PIEZO2: variants seen among roughly 807,000 people sequenced by gnomAD.
PIEZO2 encodes the protein piezo type mechanosensitive ion channel component 2, also known as piezo-type mechanosensitive ion channel component 2.
In PIEZO2, 172 loss-of-function variants were observed where a neutral mutation model predicts 337.3. The ratio of observed to expected loss-of-function variants is 0.51; its 90% CI spans 0.45 to 0.58. The LOEUF (loss-of-function observed/expected upper bound fraction) is 0.58. Among genes scored for constraint, PIEZO2 ranks in the 20% least tolerant of loss-of-function variants. The probability of loss-of-function intolerance (pLI) is 0.00; values close to 1 mark genes in which losing one functional copy is unlikely to be tolerated. For synonymous variants in PIEZO2, 1,251 were observed against 1,228.5 expected, an observed-to-expected ratio of 1.02 and a Z score of -0.38; for missense variants, 3,028 against 3,391.3, an observed-to-expected ratio of 0.89 and a Z score of 2.66.
rs897724927 is a variant in PIEZO2, at chr18:11,083,461, G to A, written c.65-17239C>T. Reference sequence around the variant, plus strand: ...GCAGAAATGCTCTCCTCCAGGGAATGATGCTGGCTGTGGCTTGGGGAAATG... The same window carrying A: ...GCAGAAATGCTCTCCTCCAGGGAATAATGCTGGCTGTGGCTTGGGGAAATG... On this transcript the variant is annotated intron_variant, in intron 1 of 55. Transcript: ENST00000674853. The surrounding 1 kb of genome is among the most constrained non-coding windows in gnomAD (Gnocchi z 4.4). Among the ~76,000 whole-genome samples the A allele has an allele frequency of 6.6e-6, 1 of 152,232 alleles. No homozygotes were observed. Among genetic ancestry groups the A allele is most frequent in the Non-Finnish European group, 1.5e-5 (1 of 68,034 alleles).
intron 31 of PIEZO2, 73 bp from the exon 32 acceptor site, chr18:10,742,688 A>C: frequency 6.7e-7 from 1 of 1,482,432 alleles, no homozygotes; most frequent in Non-Finnish European, 9.0e-7. Context: ...CTTTGGACTT[A>C]TGCTGTTACG....
chr18:11,021,802 T>C lies in PIEZO2; in HGVS notation c.161-42142A>G, dbSNP rs142218344. On this transcript the variant is annotated intron_variant, in intron 2 of 55. Transcript: ENST00000674853. This position sits in a 1 kb window ranked among gnomAD's most constrained non-coding sequence, Gnocchi z 4.7. ...CATCTAGACGCTGGGGGACTGCAGATGCAAACCAGGAAAATGCCCAGCTCT... is the reference window on the plus strand; with the variant it reads ...CATCTAGACGCTGGGGGACTGCAGACGCAAACCAGGAAAATGCCCAGCTCT... Among the ~76,000 whole-genome samples the C allele has an allele frequency of 3.3e-5, 5 of 152,342 alleles. No individual in the cohort carries two copies. Among genetic ancestry groups the C allele is most frequent in the Non-Finnish European group, 7.3e-5 (5 of 68,040 alleles).
In PIEZO2 at chr18:11,092,300, A is replaced by G. The variant is rs1171844958; in HGVS notation, c.65-26078T>C. On this transcript the variant is annotated intron_variant, in intron 1 of 55. Transcript: ENST00000674853. The surrounding 1 kb of genome is among the most constrained non-coding windows in gnomAD (Gnocchi z 4.5). Reference sequence around the variant, plus strand: ...TATGGAATACTGTTCATCCATTTGAAATTAGCTTGACAGAGTATTTGCCAA... The same window carrying G: ...TATGGAATACTGTTCATCCATTTGAGATTAGCTTGACAGAGTATTTGCCAA... Among the ~76,000 whole-genome samples, 1 of 152,236 alleles carries G rather than the reference A, an allele frequency of 6.6e-6. No individual in the cohort carries two copies. The highest frequency in any genetic ancestry group is 1.5e-5 in the Non-Finnish European group (1 of 68,042).
chr18:10,831,648 C>T (rs968205442), intron 7 of PIEZO2, among the ~76,000 whole-genome samples: 2 of 152,202 alleles, frequency 1.3e-5, no homozygotes, highest in East Asian at 1.9e-4. Context: ...AAGAGTAGAA[C>T]TGAAATGTTT....
chr18:10,979,708 A>G lies in PIEZO2; in HGVS notation c.161-48T>C. On this transcript the variant is annotated intron_variant, in intron 2 of 55. Transcript: ENST00000674853. The surrounding 1 kb of genome is among the most constrained non-coding windows in gnomAD (Gnocchi z 4.0). Reference sequence around the variant, plus strand: ...ATTGTGAGAGAGCTTAAGATGAAACACACTGGTGCTGTCTCTTGTACATAT... The same window carrying G: ...ATTGTGAGAGAGCTTAAGATGAAACGCACTGGTGCTGTCTCTTGTACATAT... The G allele has an allele frequency of 6.8e-7, 1 of 1,478,330 alleles. No individual in the cohort carries two copies. Among genetic ancestry groups the G allele is most frequent in the Non-Finnish European group, 9.0e-7 (1 of 1,108,576 alleles). The allele number at this position is 1,478,330 out of a possible 1,614,324, so 91.6% of individuals were successfully genotyped here.
In PIEZO2 at chr18:10,934,636, C is replaced by CGTGTGTGTGTGTGTGTGT. The variant is rs59190236; in HGVS notation, c.287-23426_287-23409dup. Among the ~76,000 whole-genome samples the CGTGTGTGTGTGTGTGTGT allele has an allele frequency of 9.4e-3, 1,224 of 130,804 alleles. 45 individuals carry two copies. The highest frequency in any genetic ancestry group is 0.019 in the Middle Eastern group (5 of 260). 85.8% of individuals were successfully genotyped at this position (130,804 alleles called of 152,430 possible). A position where few individuals can be genotyped will look rare whatever the true frequency, so the allele number is the denominator to read the frequency against. ...TTAGGAATTGTCAGTATTGTGTGTACGTGTGTGTGTGTGTGTGTGTGTGTG... is the reference window on the plus strand; with the variant it reads ...TTAGGAATTGTCAGTATTGTGTGTACGTGTGTGTGTGTGTGTGTGTGTGTGTGTGTGTGTGTGTGTGTG... On this transcript the variant is annotated intron_variant, in intron 3 of 55. Coordinates refer to ENST00000674853, the MANE Select transcript of PIEZO2 (RefSeq NM_001378183.1).
Position 10,943,933 on chromosome 18 carries a change from C to G in PIEZO2, c.287-32705G>C, listed in dbSNP as rs1289961408. 1.3e-5 allele frequency among the ~76,000 whole-genome samples: 2 copies of G among 152,152 alleles called. No homozygotes were observed. Among genetic ancestry groups the G allele is most frequent in the Non-Finnish European group, 2.9e-5 (2 of 68,034 alleles). On this transcript the variant is annotated intron_variant, in intron 3 of 55. Coordinates refer to ENST00000674853, the MANE Select transcript of PIEZO2 (RefSeq NM_001378183.1). This position sits in a 1 kb window ranked among gnomAD's most constrained non-coding sequence, Gnocchi z 4.5. ...AAATGGGAGTTTCTCTGAACAAGCTCTCTCTTTGCCTGCTGCCATCCACGT... is the reference window on the plus strand; with the variant it reads ...AAATGGGAGTTTCTCTGAACAAGCTGTCTCTTTGCCTGCTGCCATCCACGT...
Position 10,671,516 on chromosome 18 carries a change from G to A in PIEZO2, c.*11C>T, listed in dbSNP as rs1004910796. On this transcript the variant is annotated 3_prime_UTR_variant, in exon 56 of 56. Coordinates refer to ENST00000674853, the MANE Select transcript of PIEZO2 (RefSeq NM_001378183.1). ...AATGTTAACATTATTTGCAGTCTGT[G>A]TTCTAAGGTTTCAATTTGTTTTTTC... 2 of 1,605,626 alleles carry A rather than the reference G, an allele frequency of 1.2e-6. No individual in the cohort carries two copies. The highest frequency in any genetic ancestry group is 1.7e-6 in the Non-Finnish European group (2 of 1,175,684).
In PIEZO2 at chr18:10,759,414, C is replaced by T; in HGVS notation, c.3757+68G>A. 1 of 1,320,162 alleles carries T rather than the reference C, an allele frequency of 7.6e-7. No individual in the cohort carries two copies. Among genetic ancestry groups the T allele is most frequent in the Non-Finnish European group, 1.1e-6 (1 of 952,268 alleles). The allele number at this position is 1,320,162 out of a possible 1,614,324, so 81.8% of individuals were successfully genotyped here. ...GAAGACAAAAGGCACTAATGCATAG[C>T]ACGTGAACAATGATTAACAGTAAAC... On this transcript the variant is annotated intron_variant, in intron 26 of 55. Transcript: ENST00000674853. The surrounding 1 kb of genome is among the most constrained non-coding windows in gnomAD (Gnocchi z 5.5).
In PIEZO2 at chr18:11,027,602, T is replaced by C. The variant is rs1399685236; in HGVS notation, c.160+38525A>G. ...TCTGTTTGGTTTTAACTGTAGAAAA[T>C]TTAATTTAAATAACTGTCTTAGGTA... On this transcript the variant is annotated intron_variant, in intron 2 of 55. Coordinates refer to ENST00000674853, the MANE Select transcript of PIEZO2 (RefSeq NM_001378183.1). This position sits in a 1 kb window ranked among gnomAD's most constrained non-coding sequence, Gnocchi z 4.2. Among the ~76,000 whole-genome samples the C allele has an allele frequency of 6.6e-6, 1 of 152,150 alleles. No individual in the cohort carries two copies. Among genetic ancestry groups the C allele is most frequent in the East Asian group, 1.9e-4 (1 of 5,188 alleles).
chr18:10,958,479 G>A (rs1227516191), intron 3 of PIEZO2, among the ~76,000 whole-genome samples: 6 of 152,190 alleles, frequency 3.9e-5, no homozygotes, highest in Non-Finnish European at 8.8e-5. Flanking sequence ...GCACTGCATG[G>A]TGACCATAAG....
In PIEZO2 at chr18:10,978,222, G is replaced by A. The variant is rs574664869; in HGVS notation, c.286+1313C>T. Among the ~76,000 whole-genome samples, 9 of 152,238 alleles carry A rather than the reference G, an allele frequency of 5.9e-5. No individual in the cohort carries two copies. In the East Asian group the frequency reaches 1.7e-3, roughly 29 times the overall value. On this transcript the variant is annotated intron_variant, in intron 3 of 55. Coordinates refer to ENST00000674853, the MANE Select transcript of PIEZO2 (RefSeq NM_001378183.1). ...ATGGTGGCAGGCACCTGTAGTCCCA[G>A]CTACTCAGGAGGCTGAGGCAGGAGA...
chr18:10,857,489 A>G (rs2041739430), intron 5 of PIEZO2, among the ~76,000 whole-genome samples: 1 of 152,188 alleles, frequency 6.6e-6, no homozygotes, highest in South Asian at 2.1e-4. Flanking sequence ...TAAGCAAAGA[A>G]GAAACTCTCT....
intron 18 of PIEZO2, among the ~76,000 whole-genome samples, chr18:10,780,002 G>T (rs976972773): frequency 2.0e-5 from 3 of 152,178 alleles, no homozygotes; most frequent in African/African-American, 7.2e-5. Flanking sequence ...TGAGCTCTCA[G>T]TTATGTGTTC....
chr18:10,946,325 T>C (rs2033020828), intron 3 of PIEZO2, among the ~76,000 whole-genome samples: 1 of 152,124 alleles, frequency 6.6e-6, no homozygotes, highest in Non-Finnish European at 1.5e-5. Flanking sequence ...ATTTTAAAAA[T>C]ACTAGGAGAA....
At chr18:10,771,006 C>A (rs2038583843) in intron 20 of PIEZO2, among the ~76,000 whole-genome samples, 1 of 152,190 alleles carries the variant, frequency 6.6e-6, no homozygotes, top group African/African-American at 2.4e-5. Context: ...GCTGGGAGTA[C>A]AGGCATGAGC....
intron 49 of PIEZO2, among the ~76,000 whole-genome samples, chr18:10,686,362 A>T (rs898938996): frequency 6.6e-5 from 10 of 152,238 alleles, no homozygotes; most frequent in African/African-American, 1.7e-4. Context: ...GAATGAATAG[A>T]TGAGGATAGA....
At chr18:10,842,955 A>G (rs12968591) in intron 7 of PIEZO2, among the ~76,000 whole-genome samples, 1 of 152,312 alleles carries the variant, frequency 6.6e-6, no homozygotes, top group African/African-American at 2.4e-5. Flanking sequence ...TTCTCATTTT[A>G]AGAGCTAATC....
At chr18:10,960,213 T>A (rs997625881) in intron 3 of PIEZO2, among the ~76,000 whole-genome samples, 5 of 152,184 alleles carry the variant, frequency 3.3e-5, no homozygotes, top group African/African-American at 1.2e-4. Context: ...ATATTGGTTT[T>A]ATTCAACCAA....
Sources: allele counts gnomAD v4.1 joint callset (sites outside exome capture counted in the v4.1 genomes callset), GRCh38; gene constraint gnomAD v4.1.1; non-coding constraint Gnocchi (gnomAD v3.1); transcripts MANE v1.5; gene names NCBI Gene and HGNC (gene_info 2026-07-23, HGNC 2026-07-21).